DPF3: variants seen among roughly 807,000 people sequenced by gnomAD.
DPF3 encodes the protein zinc finger protein DPF3.
In DPF3, 18 loss-of-function variants were observed where a neutral mutation model predicts 56.8. The ratio of observed to expected loss-of-function variants is 0.32; its 90% CI spans 0.22 to 0.47. The LOEUF (loss-of-function observed/expected upper bound fraction) is 0.47. Among genes scored for constraint, DPF3 ranks in the 20% least tolerant of loss-of-function variants. The pLI, the probability that DPF3 is intolerant of heterozygous loss-of-function variation, is 1.00. For synonymous variants in DPF3, 188 were observed against 180.2 expected (o/e 1.04, Z -0.35); for missense variants, 403 against 488.8 (o/e 0.82, Z 1.65).
chr14:72,669,989 C>A (rs1886597909), intron 8 of DPF3: 2 of 986,030 alleles, frequency 2.0e-6, no homozygotes, highest in Non-Finnish European at 2.4e-6. Flanking sequence ...ATTCTTGGGA[C>A]TGTCAGTGAG....
At chr14:72,830,979 C>T (rs1225864392) in intron 1 of DPF3, among the ~76,000 whole-genome samples, 4 of 152,164 alleles carry the variant, frequency 2.6e-5, no homozygotes, top group African/African-American at 9.7e-5. Context: ...CTGTGGAAGC[C>T]GTATCAATCG....
intron 6 of DPF3, among the ~76,000 whole-genome samples, chr14:72,694,426 C>T (rs538518849): frequency 1.6e-4 from 24 of 152,234 alleles, no homozygotes; most frequent in Non-Finnish European, 3.1e-4. Flanking sequence ...GTGGGAAGAG[C>T]ACAACTTTAG....
At chr14:72,731,558 C>A in intron 4 of DPF3, 1 of 488,908 alleles carries the variant, frequency 2.0e-6, no homozygotes, top group Non-Finnish European at 3.7e-6. Flanking sequence ...CTAGGCTCAA[C>A]AAATTCACTT....
chr14:72,836,591 A>G, intron 1 of DPF3: 1 of 929,270 alleles, frequency 1.1e-6, no homozygotes, highest in Non-Finnish European at 1.3e-6. Context: ...ATCTGGATGA[A>G]TTTTTCCCCC....
chr14:72,697,648 A>G, intron 6 of DPF3, among the ~76,000 whole-genome samples: 1 of 152,204 alleles, frequency 6.6e-6, no homozygotes, highest in Non-Finnish European at 1.5e-5. Context: ...CTGAGGACCA[A>G]GTTAAGCAGA....
chr14:72,830,655 T>A (rs956330937), intron 1 of DPF3, among the ~76,000 whole-genome samples: 10 of 152,238 alleles, frequency 6.6e-5, no homozygotes, highest in African/African-American at 2.4e-4. Flanking sequence ...AGTATGACAT[T>A]ATTAACATTA....
chr14:72,745,288 G>A (rs189342966), intron 3 of DPF3, among the ~76,000 whole-genome samples: 26 of 151,554 alleles, frequency 1.7e-4, no homozygotes, highest in Admixed American at 3.9e-4. Context: ...GTTTTTTTTC[G>A]CCACTTAGCA....
intron 8 of DPF3, chr14:72,671,155 T>A (rs373741863): frequency 1.9e-6 from 3 of 1,613,926 alleles, no homozygotes; most frequent in Non-Finnish European, 2.5e-6. Flanking sequence ...GCCCTTTTTA[T>A]CTGCTGTGGG....
intron 2 of DPF3, among the ~76,000 whole-genome samples, chr14:72,762,743 G>T (rs1319816785): frequency 6.6e-6 from 1 of 151,894 alleles, no homozygotes; most frequent in Non-Finnish European, 1.5e-5. Flanking sequence ...GGAGAGTCTA[G>T]CCAGTGCAAG....
chr14:72,711,464 C>T (rs2153575349), intron 6 of DPF3, among the ~76,000 whole-genome samples: 1 of 152,222 alleles, frequency 6.6e-6, no homozygotes, highest in South Asian at 2.1e-4. Flanking sequence ...GAGGCTGGGA[C>T]AGGCTCCGAC....
chr14:72,637,251 G>A (rs989383581), intron 8 of DPF3, among the ~76,000 whole-genome samples: 1 of 152,228 alleles, frequency 6.6e-6, no homozygotes, highest in Non-Finnish European at 1.5e-5. Flanking sequence ...ATCTACACCT[G>A]TCTATAAGCC....
chr14:72,821,400 T>C (rs1393347027), intron 1 of DPF3, among the ~76,000 whole-genome samples: 3 of 152,026 alleles, frequency 2.0e-5, no homozygotes, highest in Non-Finnish European at 4.4e-5. Flanking sequence ...CTGGGCAACA[T>C]AGCAAGACCC....
chr14:72,866,916 T>C (rs1885696384), intron 1 of DPF3, among the ~76,000 whole-genome samples: 1 of 150,028 alleles, frequency 6.7e-6, no homozygotes, highest in Non-Finnish European at 1.5e-5. Context: ...TGAGCCATCA[T>C]GCCTAGCCCA....
intron 1 of DPF3, among the ~76,000 whole-genome samples, chr14:72,884,953 T>TACATACATATATATATATATATATATAC (rs1555516744): frequency 4.1e-5 from 3 of 73,780 alleles, no homozygotes; most frequent in African/African-American, 1.2e-4. Flanking sequence ...TATATATATA[T>TACATACATATATATATATATATATATAC]ATATATATAT....
intron 3 of DPF3, among the ~76,000 whole-genome samples, chr14:72,735,076 G>A (rs1307296966): frequency 6.6e-6 from 1 of 152,074 alleles, no homozygotes; most frequent in Non-Finnish European, 1.5e-5. Flanking sequence ...AACTCAATCT[G>A]CCTTCAGACC....
At chr14:72,807,127 C>G (rs1019787841) in intron 1 of DPF3, among the ~76,000 whole-genome samples, 4 of 152,176 alleles carry the variant, frequency 2.6e-5, no homozygotes, top group Non-Finnish European at 4.4e-5. Context: ...AAAGCAGGCC[C>G]ACAGGGTAGA....
chr14:72,848,066 G>A (rs1884829809), intron 1 of DPF3, among the ~76,000 whole-genome samples: 1 of 152,210 alleles, frequency 6.6e-6, no homozygotes, highest in African/African-American at 2.4e-5. Flanking sequence ...CATGAATGAT[G>A]ACTTTCTGGA....
At chr14:72,832,018 G>C (rs1167211585) in intron 1 of DPF3, among the ~76,000 whole-genome samples, 1 of 152,048 alleles carries the variant, frequency 6.6e-6, no homozygotes, top group Admixed American at 6.6e-5. Context: ...AAGAATTTGA[G>C]ACCAGCCTGG....
intron 1 of DPF3, among the ~76,000 whole-genome samples, chr14:72,882,922 G>A (rs1886374758): frequency 1.3e-5 from 2 of 152,188 alleles, no homozygotes; most frequent in African/African-American, 4.8e-5. Flanking sequence ...AGAAGAAACA[G>A]ACAGATCAGA....
Sources: allele counts gnomAD v4.1 joint callset (sites outside exome capture counted in the v4.1 genomes callset), GRCh38; gene constraint gnomAD v4.1.1; transcripts MANE v1.5; gene names NCBI Gene and HGNC (gene_info 2026-07-23, HGNC 2026-07-21).